Variants in CEP97 observed in about 807,000 individuals in gnomAD.
CEP97 encodes centrosomal protein of 97 kDa.
In CEP97, 43 loss-of-function variants were observed where a neutral mutation model predicts 73.1. That is an observed-to-expected ratio of 0.59 (90% CI 0.46 to 0.76). The LOEUF (loss-of-function observed/expected upper bound fraction) is 0.76, where lower values mean the gene tolerates loss of function less well. Ranked by LOEUF, CEP97 falls within the 30% of genes least tolerant of loss-of-function variation. CEP97 has a pLI of 0.00. For synonymous variants in CEP97, 337 were observed against 370.0 expected, an observed-to-expected ratio of 0.91 and a Z score of 1.02; for missense variants, 939 against 1,014.0, an observed-to-expected ratio of 0.93 and a Z score of 1.00.
intron 6 of CEP97, among the ~76,000 whole-genome samples, chr3:101,754,042 CTTTTTTTTTTTTTTTT>C (rs35323976): frequency 1.3e-5 from 1 of 75,472 alleles, no homozygotes; most frequent in African/African-American, 5.5e-5. Context: ...ATTTGGCCAT[CTTTTTTTTTTTTTTTT>C]TTTTTTTTTT....
Position 101,762,526 on chromosome 3 carries a change from T to C in CEP97, c.1859T>C (p.Val620Ala), listed in dbSNP as rs1465401658. The change falls in exon 10 of 11, where the codon GTA becomes GCA. Residue 620 changes from valine to alanine, a missense_variant. Val to Ala is a moderately conservative substitution (Grantham distance 64, BLOSUM62 0). Transcript: ENST00000341893. ...GATGAAGAACGTATTAAAAAATTTG[T>C]ACAAGAAGAAGCTTTCAGATTCCTT... ...ERDEERIKKF[V>A]QEEAFRFLWN... is the part of the protein sequence containing the mutation. 6.2e-7 allele frequency: 1 copy of C among 1,611,360 alleles called. No homozygotes were observed. Among genetic ancestry groups the C allele is most frequent in the Non-Finnish European group, 8.5e-7 (1 of 1,178,730 alleles).
At chr3:101,728,610 C>G (rs185105523) in intron 3 of CEP97, among the ~76,000 whole-genome samples, 1 of 151,910 alleles carries the variant, frequency 6.6e-6, no homozygotes, top group Non-Finnish European at 1.5e-5. Context: ...ATGGTATGAA[C>G]TACTTGGTAG....
At chr3:101,727,303 A>G (rs1041614424) in intron 2 of CEP97, 80 bp from the exon 3 acceptor site, 1 of 1,236,854 alleles carries the variant, frequency 8.1e-7, no homozygotes, top group Non-Finnish European at 1.1e-6. Flanking sequence ...GGCTGTCTAA[A>G]TAAACCTTTT....
chr3:101,751,255 T>C (rs1158860277), intron 6 of CEP97, among the ~76,000 whole-genome samples: 1 of 152,246 alleles, frequency 6.6e-6, no homozygotes, highest in Non-Finnish European at 1.5e-5. Context: ...AGTTCTAGTT[T>C]GATTGCACTG....
Position 101,744,004 on chromosome 3 carries a change from C to CAAA in CEP97, c.728+11364_728+11366dup, listed in dbSNP as rs36050896. ...GGGCAACAAGAGTGAAACTCCGTCTCAAAAAAAAAAAAAAAAGACTGATAA... is the reference window on the plus strand; with the variant it reads ...GGGCAACAAGAGTGAAACTCCGTCTCAAAAAAAAAAAAAAAAAAAGACTGATAA... On this transcript the variant is annotated intron_variant, in intron 6 of 10. Coordinates refer to ENST00000341893, the MANE Select transcript of CEP97 (RefSeq NM_024548.4). 6.4e-4 allele frequency among the ~76,000 whole-genome samples: 72 copies of CAAA among 111,646 alleles called. 1 individual carries two copies. The highest frequency in any genetic ancestry group is 1.2e-3 in the Admixed American group (12 of 10,324). 73.2% of individuals were successfully genotyped at this position (111,646 alleles called of 152,430 possible).
At position 101,758,305 on chromosome 3, in the gene CEP97, G is replaced by T; in HGVS notation, c.1699G>T (p.Ala567Ser). 1.9e-6 allele frequency: 3 copies of T among 1,614,212 alleles called. No homozygotes were observed. The highest frequency in any genetic ancestry group is 1.7e-6 in the Non-Finnish European group (2 of 1,180,030). The change falls in exon 9 of 11, where the codon GCC (alanine) becomes TCC (serine). Residue 567 changes from alanine to serine, a missense_variant. Physicochemically the swap from Ala to Ser is moderately conservative, Grantham distance 99 (BLOSUM62 1). Transcript: ENST00000341893. ...AAATGATGCAGCCACCAAGCTTCAG[G>T]CCTGTTGGCGGGGATTTTATGCCAG... The part of the protein sequence containing the change: ...KLNDAATKLQ[A>S]CWRGFYARNY...
rs192121224 is a variant in CEP97 at position 101,730,766 on chromosome 3, A to G, written c.448-1074A>G. On this transcript the variant is annotated intron_variant, in intron 4 of 10. Coordinates refer to ENST00000341893, the MANE Select transcript of CEP97 (RefSeq NM_024548.4). Reference sequence around the variant, plus strand: ...GAAAAACATGTAGAACATTTTAAATATTGTTGCCTCATTGGATATTATTAC... The same window carrying G: ...GAAAAACATGTAGAACATTTTAAATGTTGTTGCCTCATTGGATATTATTAC... Among the ~76,000 whole-genome samples the G allele has an allele frequency of 5.9e-5, 9 of 152,196 alleles. No individual in the cohort carries two copies. In the East Asian group the frequency reaches 1.7e-3, roughly 29 times the overall value.
At position 101,764,926 on chromosome 3, in the gene CEP97, G is replaced by A. The variant is rs186791868; in HGVS notation, c.1973G>A (p.Ser658Asn). The A allele has an allele frequency of 1.2e-4, 191 of 1,614,064 alleles. No individual in the cohort carries two copies. Among genetic ancestry groups the A allele is most frequent in the Admixed American group, 1.5e-4 (9 of 59,996 alleles). ...SWHTDVPPISSTLVPSKHPLF... is the reference protein window; with the variant it reads ...SWHTDVPPISNTLVPSKHPLF... ...CATACTGATGTTCCTCCTATATCAA[G>A]TACTCTTGTGCCATCGAAACATCCA... Residue 658 changes from serine (S) to asparagine (N), a missense_variant, in exon 11 of 11, where the codon AGT becomes AAT. Coordinates refer to ENST00000341893, the MANE Select transcript of CEP97 (RefSeq NM_024548.4).
intron 6 of CEP97, among the ~76,000 whole-genome samples, chr3:101,734,675 G>C (rs553512660): frequency 5.3e-5 from 8 of 152,312 alleles, no homozygotes; most frequent in African/African-American, 1.9e-4. Flanking sequence ...TCTTTTTCCT[G>C]CTGTGAATGT....
At chr3:101,743,899 G>A (rs534873643) in intron 6 of CEP97, among the ~76,000 whole-genome samples, 2 of 152,054 alleles carry the variant, frequency 1.3e-5, no homozygotes, top group East Asian at 3.9e-4. Flanking sequence ...AGCTACTTGG[G>A]AGGCTGAGGC....
At position 101,755,500 on chromosome 3, in the gene CEP97, G is replaced by C; in HGVS notation, c.799G>C (p.Val267Leu). 1 of 1,614,136 alleles carries C rather than the reference G, an allele frequency of 6.2e-7. No individual in the cohort carries two copies. The highest frequency in any genetic ancestry group is 8.5e-7 in the Non-Finnish European group (1 of 1,180,016). The change falls in exon 7 of 11, where the codon GTC (valine) becomes CTC (leucine). Residue 267 changes from valine (V) to leucine (L), a missense_variant. Transcript: ENST00000341893. ...TCGGCCTGGCCAGCACATCCAGCTT[G>C]TCCAATATCTGGCTACAGTCTGCCC... is the stretch of plus-strand genomic sequence containing the variant. The part of the protein sequence containing the change: ...AYRPGQHIQL[V>L]QYLATVCPLT...
At chr3:101,737,315 A>G (rs574725659) in intron 6 of CEP97, among the ~76,000 whole-genome samples, 1 of 152,356 alleles carries the variant, frequency 6.6e-6, no homozygotes, top group South Asian at 2.1e-4. Context: ...AAGACAGGCC[A>G]ACATTCAAAT....
chr3:101,746,293 G>A (rs1323780632), intron 6 of CEP97, among the ~76,000 whole-genome samples: 1 of 152,170 alleles, frequency 6.6e-6, no homozygotes, highest in African/African-American at 2.4e-5. Context: ...CAAGGCTACA[G>A]TAACCAAAAC....
chr3:101,731,883 C>T lies in CEP97; in HGVS notation c.491C>T (p.Ala164Val). The change falls in exon 5 of 11, where the codon GCA (alanine) becomes GTA (valine). Residue 164 changes from alanine to valine, a missense_variant. Ala to Val is a moderately conservative substitution (Grantham distance 64, BLOSUM62 0). Transcript: ENST00000341893. ...AACATCATCACCTCTCTTAGAATGG[C>T]ACCTGCTTACCTACCCAGAAGTCTT... ...HGNIITSLRMAPAYLPRSLAI... is the reference protein window; with the variant it reads ...HGNIITSLRMVPAYLPRSLAI... The T allele has an allele frequency of 6.2e-7, 1 of 1,611,380 alleles. No individual in the cohort carries two copies. Among genetic ancestry groups the T allele is most frequent in the Non-Finnish European group, 8.5e-7 (1 of 1,177,558 alleles).
In CEP97 at chr3:101,757,625, T is replaced by G. The variant is rs750761918; in HGVS notation, c.1028-9T>G. 1 of 1,604,438 alleles carries G rather than the reference T, an allele frequency of 6.2e-7. No individual in the cohort carries two copies. Among genetic ancestry groups the G allele is most frequent in the Admixed American group, 1.7e-5 (1 of 59,242 alleles). ...AGTGGTTTAAATGATACTCTGTTGATTCTTCTAGAACCCGTCATTCAAGTG... is the reference window on the plus strand; with the variant it reads ...AGTGGTTTAAATGATACTCTGTTGAGTCTTCTAGAACCCGTCATTCAAGTG... On this transcript the variant is annotated splice_polypyrimidine_tract_variant and intron_variant, in intron 8 of 10. Transcript: ENST00000341893.
intron 6 of CEP97, among the ~76,000 whole-genome samples, chr3:101,742,237 A>G (rs1038841298): frequency 6.6e-6 from 1 of 152,150 alleles, no homozygotes; most frequent in Non-Finnish European, 1.5e-5. Flanking sequence ...ATTACCGAGT[A>G]TATACCCAAA....
intron 6 of CEP97, among the ~76,000 whole-genome samples, chr3:101,750,823 G>C (rs1188436942): frequency 1.3e-5 from 2 of 151,444 alleles, no homozygotes; most frequent in Non-Finnish European, 3.0e-5. Flanking sequence ...ATTAGTCTTG[G>C]TAGTGGTCTA....
In CEP97 at chr3:101,757,933, CT is replaced by C; in HGVS notation, c.1328del (p.Leu443ArgfsTer24). On this transcript the variant is annotated frameshift_variant, in exon 9 of 11. Coordinates refer to ENST00000341893, the MANE Select transcript of CEP97 (RefSeq NM_024548.4). LOFTEE classifies it high-confidence loss of function. The stretch of plus-strand genomic sequence containing the variant: ...TGTTGCAGATGAATCTGTGAAAGGG[CT>C]GGAAAGCCAGGTGTTGGATAAGGAA... ...DGVADESVKGLESQVLDKEEE... is the reference protein window; with the variant it reads ...DGVADESVKGXESQVLDKEEE... The C allele has an allele frequency of 6.2e-7, 1 of 1,614,200 alleles. No homozygotes were observed. The highest frequency in any genetic ancestry group is 2.2e-5 in the East Asian group (1 of 44,878).
intron 4 of CEP97, among the ~76,000 whole-genome samples, chr3:101,729,220 C>A (rs899529158): frequency 1.3e-5 from 2 of 151,936 alleles, no homozygotes; most frequent in Non-Finnish European, 2.9e-5. Context: ...TGGTGCGAGC[C>A]TGTAGTCCCA....
Sources: gnomAD v4.1 joint callset for allele counts (sites outside exome capture counted in the v4.1 genomes callset) on GRCh38, gnomAD v4.1.1 for gene constraint, MANE v1.5 for transcripts, NCBI Gene and HGNC (gene_info 2026-07-23, HGNC 2026-07-21) for gene names.